KNOP1: variants seen among roughly 807,000 people sequenced by gnomAD.
KNOP1 encodes lysine-rich nucleolar protein 1.
In KNOP1, 20 loss-of-function variants were observed where a neutral mutation model predicts 30.6. The ratio of observed to expected loss-of-function variants is 0.65; its 90% CI spans 0.46 to 0.95. The LOEUF (loss-of-function observed/expected upper bound fraction) is 0.95. KNOP1 is among the 40% of genes least tolerant of loss of function. The pLI, the probability that KNOP1 is intolerant of heterozygous loss-of-function variation, is 0.00. For synonymous variants in KNOP1, 204 were observed against 210.0 expected (o/e 0.97, Z 0.25); for missense variants, 540 against 562.0 (o/e 0.96, Z 0.40).
At chr16:19,708,251 A>C (rs1976522846) in intron 4 of KNOP1, among the ~76,000 whole-genome samples, 1 of 151,762 alleles carries the variant, frequency 6.6e-6, no homozygotes, top group African/African-American at 2.4e-5. Context: ...AAGCCCAAGA[A>C]CTCGGGGGTC....
At chr16:19,710,684 G>A in intron 3 of KNOP1, 98 bp from the exon 4 acceptor site, 1 of 920,906 alleles carries the variant, frequency 1.1e-6, no homozygotes, top group Non-Finnish European at 1.8e-6. Flanking sequence ...CGGAACGTGG[G>A]AGGAACTAAC....
At chr16:19,709,034 C>T (rs1184784948) in intron 4 of KNOP1, among the ~76,000 whole-genome samples, 2 of 152,230 alleles carry the variant, frequency 1.3e-5, no homozygotes, top group African/African-American at 4.8e-5. Flanking sequence ...CCGAATCACA[C>T]TGCCTTTTTT....
Position 19,703,061 on chromosome 16 carries a change from G to C in KNOP1, c.*3849C>G, listed in dbSNP as rs1387287284. The C allele has an allele frequency of 1.3e-5, 2 of 151,324 alleles. No individual in the cohort carries two copies. The highest frequency in any genetic ancestry group is 2.9e-5 in the Non-Finnish European group (2 of 67,940). 9.4% of individuals were successfully genotyped at this position (151,324 alleles called of 1,614,324 possible). ...TTCCACATGAGACTTACTTACATTA[G>C]GTCTTCTATTGTTACTTTAACAAAT... On this transcript the variant is annotated 3_prime_UTR_variant, in exon 5 of 5. Transcript: ENST00000219837.
rs1016653426 is a variant in KNOP1 at position 19,703,570 on chromosome 16, T to A, written c.*3340A>T. ...ACTGTGTCTATTTGGCAAATTTTTTTTTTTTTTTGGAATGGGGTCTTGCTC... is the reference window on the plus strand; with the variant it reads ...ACTGTGTCTATTTGGCAAATTTTTTATTTTTTTTGGAATGGGGTCTTGCTC... On this transcript the variant is annotated 3_prime_UTR_variant, in exon 5 of 5. Coordinates refer to ENST00000219837, the MANE Select transcript of KNOP1 (RefSeq NM_001012991.3). 3.9e-5 allele frequency: 6 copies of A among 152,150 alleles called. No individual in the cohort carries two copies. The highest frequency in any genetic ancestry group is 1.3e-4 in the Admixed American group (2 of 15,264). 9.4% of individuals were successfully genotyped at this position (152,150 alleles called of 1,614,324 possible). A position where few individuals can be genotyped will look rare whatever the true frequency, so the allele number is the denominator to read the frequency against.
intron 1 of KNOP1, chr16:19,717,638 T>C: frequency 1.0e-6 from 1 of 985,862 alleles, no homozygotes; most frequent in Non-Finnish European, 1.2e-6. Context: ...AAAAGAACGT[T>C]ACAGTGCATC....
At chr16:19,717,529 T>C (rs1415688976) in intron 1 of KNOP1, 1 of 985,318 alleles carries the variant, frequency 1.0e-6, no homozygotes, top group East Asian at 1.1e-4. Context: ...GGGTCAACTC[T>C]TAATCCCCTT....
chr16:19,712,825 G>T (rs1976790058), intron 2 of KNOP1, among the ~76,000 whole-genome samples: 1 of 152,202 alleles, frequency 6.6e-6, no homozygotes, highest in African/African-American at 2.4e-5. Flanking sequence ...GCACACACCT[G>T]AGGACAGGAA....
rs976490913 is a variant in KNOP1 at position 19,702,807 on chromosome 16, A to G, written c.*4103T>C. 2.6e-5 allele frequency: 4 copies of G among 152,182 alleles called. No homozygotes were observed. Among genetic ancestry groups the G allele is most frequent in the African/African-American group, 7.2e-5 (3 of 41,426 alleles). 9.4% of individuals were successfully genotyped at this position (152,182 alleles called of 1,614,324 possible). On this transcript the variant is annotated 3_prime_UTR_variant, in exon 5 of 5. Coordinates refer to ENST00000219837, the MANE Select transcript of KNOP1 (RefSeq NM_001012991.3). ...AGAGATCAAGACCATCCTGGCCAAC[A>G]TGGTGAAACTCCATCTCTACTAAAA... is the stretch of plus-strand genomic sequence containing the variant.
chr16:19,717,670 C>T (rs1977241233), intron 1 of KNOP1: 1 of 986,248 alleles, frequency 1.0e-6, no homozygotes, highest in East Asian at 1.1e-4. Context: ...CAAACGCTTT[C>T]TCCAAAACCG....
chr16:19,713,366 T>G (rs1176428874), intron 2 of KNOP1, among the ~76,000 whole-genome samples: 1 of 152,200 alleles, frequency 6.6e-6, no homozygotes, highest in Non-Finnish European at 1.5e-5. Context: ...GTGCTGGGAT[T>G]ACAAGCATGA....
chr16:19,707,306 CCAG>C, intron 4 of KNOP1, 85 bp from the exon 5 acceptor site: 1 of 1,092,392 alleles, frequency 9.2e-7, no homozygotes, highest in South Asian at 1.3e-5. Context: ...CAGGGAGGGC[CCAG>C]CAGATTAGAT....
At position 19,712,658 on chromosome 16, in the gene KNOP1, T is replaced by G. The variant is rs1567516199; in HGVS notation, c.919-1218A>C. On this transcript the variant is annotated intron_variant, in intron 2 of 4. Transcript: ENST00000219837. ...CACAGCAGCTACCTCACCAGACAGG[T>G]AGGAGGATGAGATGGGTTGATACAA... Among the ~76,000 whole-genome samples, 4 of 151,986 alleles carry G rather than the reference T, an allele frequency of 2.6e-5. No individual in the cohort carries two copies. In the East Asian group the frequency reaches 7.7e-4, roughly 29 times the overall value.
In KNOP1 at chr16:19,714,134, C is replaced by A. The variant is rs377328677; in HGVS notation, c.902G>T (p.Gly301Val). The change falls in exon 2 of 5, where the codon GGA (glycine) becomes GTA (valine). Residue 301 changes from glycine (G) to valine (V), a missense_variant. Transcript: ENST00000219837. Reference protein sequence around the residue: ...KKKRKESGVAGDPWKEETDTD... With the variant: ...KKKRKESGVAVDPWKEETDTD... The stretch of plus-strand genomic sequence containing the variant: ...AAAAACTACCTCCTTCCAAGGGTCT[C>A]CTGCTACCCCACTCTCTTTCCTCTT... The A allele has an allele frequency of 6.2e-7, 1 of 1,611,512 alleles. No individual in the cohort carries two copies. Among genetic ancestry groups the A allele is most frequent in the Non-Finnish European group, 8.5e-7 (1 of 1,179,434 alleles).
chr16:19,707,261 C>T (rs963982053), intron 4 of KNOP1, 40 bp from the exon 5 acceptor site: 14 of 1,568,818 alleles, frequency 8.9e-6, no homozygotes, highest in Non-Finnish European at 1.2e-5. Flanking sequence ...TCCTTGAGTT[C>T]AAAGCCCTTT....
Position 19,714,794 on chromosome 16 carries a change from T to G in KNOP1, c.242A>C (p.His81Pro). ...KKGVSTLCEE[H>P]VEPETTLPAR... ...AGGCAGCGTGGTCTCAGGTTCTACATGCTCCTCGCAAAGGGTGCTGACACC... is the reference window on the plus strand; with the variant it reads ...AGGCAGCGTGGTCTCAGGTTCTACAGGCTCCTCGCAAAGGGTGCTGACACC... Residue 81 changes from histidine (H) to proline (P), a missense_variant, in exon 2 of 5, where the codon CAT becomes CCT. Coordinates refer to ENST00000219837, the MANE Select transcript of KNOP1 (RefSeq NM_001012991.3). 6.2e-7 allele frequency: 1 copy of G among 1,614,230 alleles called. No homozygotes were observed. Among genetic ancestry groups the G allele is most frequent in the Non-Finnish European group, 8.5e-7 (1 of 1,180,046 alleles).
chr16:19,712,354 G>C (rs560064922), intron 2 of KNOP1, among the ~76,000 whole-genome samples: 6 of 152,160 alleles, frequency 3.9e-5, no homozygotes, highest in Admixed American at 1.3e-4. Flanking sequence ...CCCTCTAACC[G>C]AGCAATGGGT....
chr16:19,708,133 G>A (rs1316100237), intron 4 of KNOP1, among the ~76,000 whole-genome samples: 1 of 151,534 alleles, frequency 6.6e-6, no homozygotes, highest in African/African-American at 2.4e-5. Flanking sequence ...GAGGGTGGGA[G>A]AGGGCGAGTG....
Position 19,715,023 on chromosome 16 carries a change from T to C in KNOP1, c.13A>G (p.Thr5Ala). ...GGGAGCCCAAGGTCTACTTTGTGTG[T>C]CTTGGTGATCATTCCTGAAAAAACA... is the stretch of plus-strand genomic sequence containing the variant. MITKTHKVDLGLPEK... is the reference protein window; with the variant it reads MITKAHKVDLGLPEK... Residue 5 changes from threonine to alanine, a missense_variant, in exon 2 of 5, where the codon ACA becomes GCA. By Grantham distance (58) the Thr-to-Ala change is moderately conservative (BLOSUM62 0). Coordinates refer to ENST00000219837, the MANE Select transcript of KNOP1 (RefSeq NM_001012991.3). 1 of 1,559,168 alleles carries C rather than the reference T, an allele frequency of 6.4e-7. No homozygotes were observed. The highest frequency in any genetic ancestry group is 8.6e-7 in the Non-Finnish European group (1 of 1,159,376).
rs1246080147 is a variant in KNOP1, at chr16:19,706,307, A to T, written c.*603T>A. The T allele has an allele frequency of 2.0e-5, 3 of 152,692 alleles. No homozygotes were observed. The highest frequency in any genetic ancestry group is 7.2e-5 in the African/African-American group (3 of 41,470). 9.5% of individuals were successfully genotyped at this position (152,692 alleles called of 1,614,324 possible). A position where few individuals can be genotyped will look rare whatever the true frequency, so the allele number is the denominator to read the frequency against. Reference sequence around the variant, plus strand: ...CTAAAGGGGACATTCAGAGTGGCGAATAGTGAACTTAGGGCTTCGGGTACA... The same window carrying T: ...CTAAAGGGGACATTCAGAGTGGCGATTAGTGAACTTAGGGCTTCGGGTACA... On this transcript the variant is annotated 3_prime_UTR_variant, in exon 5 of 5. Coordinates refer to ENST00000219837, the MANE Select transcript of KNOP1 (RefSeq NM_001012991.3).
Sources: allele counts gnomAD v4.1 joint callset (sites outside exome capture counted in the v4.1 genomes callset), GRCh38; gene constraint gnomAD v4.1.1; transcripts MANE v1.5; gene names NCBI Gene and HGNC (gene_info 2026-07-23, HGNC 2026-07-21).